Variants in NFATC2IP observed in about 807,000 individuals in gnomAD.
The protein encoded by NFATC2IP is nuclear factor of activated T cells 2 interacting protein.
NFATC2IP carries 25 observed loss-of-function variants against 40.2 expected under a neutral mutation model. The observed-to-expected ratio is 0.62, with a 90% CI of 0.45 to 0.87. The LOEUF (loss-of-function observed/expected upper bound fraction) is 0.87. NFATC2IP is among the 40% of genes least tolerant of loss of function. The pLI, the probability that NFATC2IP is intolerant of heterozygous loss-of-function variation, is 0.00. For missense variants in NFATC2IP, 553 were observed against 555.6 expected (o/e 1.00, Z 0.05); for synonymous variants, 241 against 236.3 (o/e 1.02, Z -0.18).
intron 5 of NFATC2IP, chr16:28,958,413 A>G (rs968336707): frequency 2.6e-5 from 7 of 273,406 alleles, no homozygotes; most frequent in African/African-American, 8.9e-5. Flanking sequence ...GTTCCCACAC[A>G]GTGCCAATCA....
chr16:28,958,577 C>G (rs751817496), intron 5 of NFATC2IP, 140 bp from the exon 6 acceptor site: 9 of 727,476 alleles, frequency 1.2e-5, no homozygotes, highest in Non-Finnish European at 2.1e-5. Context: ...TATTCTATAC[C>G]TTGCCAGGTA....
chr16:28,956,020 C>G lies in NFATC2IP; in HGVS notation c.621C>G (p.Thr207=). 1 of 1,614,132 alleles carries G rather than the reference C, an allele frequency of 6.2e-7. No homozygotes were observed. ...NSPLSPPSPR[T]KSRTHTRALK... Reference sequence around the variant, plus strand: ...CTCTGTCCCCACCTTCACCAAGGACCAAAAGCAGAACGCATACTCGGGCAC... The same window carrying G: ...CTCTGTCCCCACCTTCACCAAGGACGAAAAGCAGAACGCATACTCGGGCAC... Residue 207 remains threonine (T), a synonymous_variant, in exon 4 of 8, where the codon ACC becomes ACG. Transcript: ENST00000320805.
rs869184973 is a variant in NFATC2IP at position 28,966,444 on chromosome 16, T to TAAAAAAAAAAAAAAAA, written c.*2587_*2602dup. 1.1e-3 allele frequency: 140 copies of TAAAAAAAAAAAAAAAA among 122,046 alleles called. No individual in the cohort carries two copies. Among genetic ancestry groups the TAAAAAAAAAAAAAAAA allele is most frequent in the African/African-American group, 4.0e-3 (126 of 31,494 alleles). The allele number at this position is 122,046 out of a possible 1,614,324, so 7.6% of individuals were successfully genotyped here. ...GGCAACACAGCGAGACCTTGTCTCT[T>TAAAAAAAAAAAAAAAA]AAAAAAAAAAAAAAAAAAAAATGAG... On this transcript the variant is annotated 3_prime_UTR_variant, in exon 8 of 8. Coordinates refer to ENST00000320805, the MANE Select transcript of NFATC2IP (RefSeq NM_032815.4).
chr16:28,955,708 C>A (rs1965012520), intron 3 of NFATC2IP, among the ~76,000 whole-genome samples: 1 of 152,146 alleles, frequency 6.6e-6, no homozygotes, highest in Non-Finnish European at 1.5e-5. Flanking sequence ...AAGCGACCCT[C>A]CCACCTCAGC....
intron 2 of NFATC2IP, among the ~76,000 whole-genome samples, chr16:28,953,404 A>G (rs775754992): frequency 1.2e-4 from 18 of 152,054 alleles, no homozygotes; most frequent in Non-Finnish European, 2.2e-4. Flanking sequence ...CAGTGCTTCA[A>G]TTTCCTCATT....
chr16:28,963,870 A>G lies in NFATC2IP; in HGVS notation c.*7A>G, dbSNP rs377208661. The G allele has an allele frequency of 1.2e-6, 2 of 1,613,486 alleles. No individual in the cohort carries two copies. Among genetic ancestry groups the G allele is most frequent in the Non-Finnish European group, 1.7e-6 (2 of 1,179,740 alleles). On this transcript the variant is annotated 3_prime_UTR_variant, in exon 8 of 8. Coordinates refer to ENST00000320805, the MANE Select transcript of NFATC2IP (RefSeq NM_032815.4). The stretch of plus-strand genomic sequence containing the variant: ...CATTGAGGTCTGGGGCTGACACCCC[A>G]CTCCCTGTTTGACGGCCCAGCCTGG...
chr16:28,956,428 G>A, intron 5 of NFATC2IP, 91 bp downstream of exon 5: 3 of 937,156 alleles, frequency 3.2e-6, no homozygotes, highest in Non-Finnish European at 4.9e-6. Flanking sequence ...AGAAGGGACT[G>A]TCATCCTTTT....
Position 28,951,020 on chromosome 16 carries a change from G to T in NFATC2IP, c.9G>T (p.Glu3Asp), listed in dbSNP as rs200006563. 9.9e-6 allele frequency: 15 copies of T among 1,521,738 alleles called. No homozygotes were observed. The highest frequency in any genetic ancestry group is 2.5e-5 in the South Asian group (2 of 78,566). The allele number at this position is 1,521,738 out of a possible 1,614,324, so 94.3% of individuals were successfully genotyped here. MA[E>D]PVGKRGRWSG... ...GTGGAGGAAAGTGTGCCATGGCGGA[G>T]CCTGTGGGGAAGCGGGGCCGCTGGT... The change falls in exon 1 of 8, where the codon GAG (glutamate) becomes GAT (aspartate). Residue 3 changes from glutamate (E) to aspartate (D), a missense_variant. By Grantham distance (45) the Glu-to-Asp change is conservative. Coordinates refer to ENST00000320805, the MANE Select transcript of NFATC2IP (RefSeq NM_032815.4).
intron 5 of NFATC2IP, chr16:28,956,552 T>C: frequency 3.5e-6 from 2 of 565,526 alleles, no homozygotes; most frequent in South Asian, 2.3e-5. Context: ...TGGCAAACTT[T>C]CTACCCATTC....
At position 28,951,049 on chromosome 16, in the gene NFATC2IP, G is replaced by A; in HGVS notation, c.38G>A (p.Gly13Glu). ...EPVGKRGRWS[G>E]GSGAGRGGRG... ...GTGGGGAAGCGGGGCCGCTGGTCCG[G>A]AGGTAGCGGTGCCGGCCGAGGGGGT... is the stretch of plus-strand genomic sequence containing the variant. The change falls in exon 1 of 8, where the codon GGA becomes GAA. Residue 13 changes from glycine (G) to glutamate (E), a missense_variant. Transcript: ENST00000320805. The A allele has an allele frequency of 5.2e-6, 8 of 1,544,936 alleles. No homozygotes were observed. Among genetic ancestry groups the A allele is most frequent in the Non-Finnish European group, 7.0e-6 (8 of 1,146,750 alleles).
intron 3 of NFATC2IP, among the ~76,000 whole-genome samples, chr16:28,955,133 G>A (rs765074100): frequency 5.3e-5 from 8 of 152,138 alleles, no homozygotes; most frequent in African/African-American, 7.2e-5. Context: ...GTTAGAGGCT[G>A]CAGTGAGCCA....
At chr16:28,958,519 G>A in intron 5 of NFATC2IP, 198 bp from the exon 6 acceptor site, 1 of 536,166 alleles carries the variant, frequency 1.9e-6, no homozygotes, top group Non-Finnish European at 3.3e-6. Flanking sequence ...ACCCATGGCT[G>A]CTATATTTCT....
Position 28,951,314 on chromosome 16 carries a change from A to T in NFATC2IP, c.303A>T (p.Gly101=), listed in dbSNP as rs773764394. 1.5e-5 allele frequency: 21 copies of T among 1,402,884 alleles called. No individual in the cohort carries two copies. The highest frequency in any genetic ancestry group is 2.0e-4 in the Middle Eastern group (1 of 4,936). The allele number at this position is 1,402,884 out of a possible 1,614,324, so 86.9% of individuals were successfully genotyped here. A position where few individuals can be genotyped will look rare whatever the true frequency, so the allele number is the denominator to read the frequency against. Residue 101 remains glycine (G), a synonymous_variant, in exon 1 of 8, where the codon GGA becomes GGT. Transcript: ENST00000320805. The part of the protein sequence containing the change: ...DSEGEDRRPA[G]PPREPVRRRR... Reference sequence around the variant, plus strand: ...AAGGGGAGGACAGGCGGCCCGCAGGACCCCCGCGGGAGCCGGTCAGGCGGC... The same window carrying T: ...AAGGGGAGGACAGGCGGCCCGCAGGTCCCCCGCGGGAGCCGGTCAGGCGGC...
In NFATC2IP at chr16:28,963,932, A is replaced by G; in HGVS notation, c.*69A>G. 1 of 1,449,560 alleles carries G rather than the reference A, an allele frequency of 6.9e-7. No individual in the cohort carries two copies. Among genetic ancestry groups the G allele is most frequent in the Middle Eastern group, 2.0e-4 (1 of 5,092 alleles). The allele number at this position is 1,449,560 out of a possible 1,614,324, so 89.8% of individuals were successfully genotyped here. ...ATGACTTTCCCTTTTTTGCCCCATA[A>G]GGGCTAGCATAAGCTGAGGTAGAAC... On this transcript the variant is annotated 3_prime_UTR_variant, in exon 8 of 8. Transcript: ENST00000320805.
rs1965021742 is a variant in NFATC2IP at position 28,956,330 on chromosome 16, T to A, written c.839T>A (p.Leu280His). The A allele has an allele frequency of 6.2e-7, 1 of 1,613,148 alleles. No individual in the cohort carries two copies. The highest frequency in any genetic ancestry group is 1.1e-5 in the South Asian group (1 of 91,012). The change falls in exon 5 of 8, where the codon CTC (leucine) becomes CAC (histidine). Residue 280 changes from leucine (L) to histidine (H), a missense_variant. Coordinates refer to ENST00000320805, the MANE Select transcript of NFATC2IP (RefSeq NM_032815.4). ...RCRADLVRLPLRMSEPLQSVV... is the reference protein window; with the variant it reads ...RCRADLVRLPHRMSEPLQSVV... ...CGGGCTGACCTGGTCAGATTGCCCC[T>A]CAGGATGGTGAGTGCCTGAGGCCCA...
chr16:28,963,774 T>G lies in NFATC2IP; in HGVS notation c.1171T>G (p.Phe391Val). 3 of 1,614,106 alleles carry G rather than the reference T, an allele frequency of 1.9e-6. No individual in the cohort carries two copies. The highest frequency in any genetic ancestry group is 2.5e-6 in the Non-Finnish European group (3 of 1,179,918). The change falls in exon 8 of 8, where the codon TTC (phenylalanine) becomes GTC (valine). Residue 391 changes from phenylalanine to valine, a missense_variant. Phe to Val is a conservative substitution (Grantham distance 50). Coordinates refer to ENST00000320805, the MANE Select transcript of NFATC2IP (RefSeq NM_032815.4). ...GGGACTGTCGGGACGGAAGCTCTCCTTCTTCTTTGATGGGACAAAGCTTTC... is the reference window on the plus strand; with the variant it reads ...GGGACTGTCGGGACGGAAGCTCTCCGTCTTCTTTGATGGGACAAAGCTTTC... ...AMGLSGRKLS[F>V]FFDGTKLSGR...
At chr16:28,957,130 T>G (rs1401561500) in intron 5 of NFATC2IP, 5 of 152,048 alleles carry the variant, frequency 3.3e-5, no homozygotes, top group Non-Finnish European at 7.4e-5. Flanking sequence ...GCCTCCCAGG[T>G]TCAGGCGATT....
chr16:28,951,277 A>G lies in NFATC2IP; in HGVS notation c.266A>G (p.Asn89Ser). 6.8e-7 allele frequency: 1 copy of G among 1,464,654 alleles called. No individual in the cohort carries two copies. The highest frequency in any genetic ancestry group is 9.1e-7 in the Non-Finnish European group (1 of 1,103,078). The allele number at this position is 1,464,654 out of a possible 1,614,324, so 90.7% of individuals were successfully genotyped here. The change falls in exon 1 of 8, where the codon AAC (asparagine) becomes AGC (serine). Residue 89 changes from asparagine to serine, a missense_variant. By Grantham distance (46) the Asn-to-Ser change is conservative. Coordinates refer to ENST00000320805, the MANE Select transcript of NFATC2IP (RefSeq NM_032815.4). ...CCGGTCGCGTCCCGGGATAACAGCA[A>G]CAGTGACAGCGAAGGGGAGGACAGG... is the stretch of plus-strand genomic sequence containing the variant. ...PGPVASRDNS[N>S]SDSEGEDRRP...
Position 28,964,441 on chromosome 16 carries a change from C to T in NFATC2IP, c.*578C>T, listed in dbSNP as rs926826853. The T allele has an allele frequency of 2.0e-5, 3 of 153,634 alleles. No individual in the cohort carries two copies. The highest frequency in any genetic ancestry group is 4.4e-5 in the Non-Finnish European group (3 of 68,878). 9.5% of individuals were successfully genotyped at this position (153,634 alleles called of 1,614,324 possible). A position where few individuals can be genotyped will look rare whatever the true frequency, so the allele number is the denominator to read the frequency against. On this transcript the variant is annotated 3_prime_UTR_variant, in exon 8 of 8. Transcript: ENST00000320805. ...TTGAAGGATGAAGGTGGTGGATTCT[C>T]AGCCCTGGGGGTCTTCCTCACCTGA...
Sources: gnomAD v4.1 joint callset for allele counts (sites outside exome capture counted in the v4.1 genomes callset) on GRCh38, gnomAD v4.1.1 for gene constraint, MANE v1.5 for transcripts, NCBI Gene and HGNC (gene_info 2026-07-23, HGNC 2026-07-21) for gene names.